Variants in ZFPL1 observed in about 807,000 individuals in gnomAD.
ZFPL1 encodes the protein zinc finger protein-like 1.
ZFPL1 carries 28 observed loss-of-function variants against 32.0 expected under a neutral mutation model. The observed-to-expected ratio is 0.87, with a 90% confidence interval of 0.65 to 1.20. The LOEUF (loss-of-function observed/expected upper bound fraction) is 1.20. ZFPL1 is among the 50% of genes most tolerant of loss of function. The pLI, the probability that ZFPL1 is intolerant of heterozygous loss-of-function variation, is 0.00. For missense variants in ZFPL1, 386 were observed against 424.8 expected (o/e 0.91, Z 0.80); for synonymous variants, 165 against 177.0 (o/e 0.93, Z 0.54).
intron 3 of ZFPL1, chr11:65,085,836 T>C: frequency 5.2e-6 from 1 of 192,734 alleles, no homozygotes; most frequent in South Asian, 8.6e-5. Context: ...GGTGAATGAA[T>C]GGGTAAATGT....
intron 2 of ZFPL1, 157 bp from the exon 3 acceptor site, chr11:65,084,958 A>G (rs763060267): frequency 1.7e-4 from 173 of 1,027,104 alleles, no homozygotes; most frequent in Non-Finnish European, 2.4e-4. Context: ...TTCCCAAGAG[A>G]GAGTCTGGTG....
Position 65,088,013 on chromosome 11 carries a change from GC to G in ZFPL1, c.835del (p.Leu279SerfsTer8). 1.9e-6 allele frequency: 3 copies of G among 1,604,058 alleles called. No individual in the cohort carries two copies. Among genetic ancestry groups the G allele is most frequent in the Non-Finnish European group, 2.5e-6 (3 of 1,177,710 alleles). ...LLLLGLLGFLALLALMSRLGR... is the reference protein window; with the variant it reads ...LLLLGLLGFLXLLALMSRLGR... Reference sequence around the variant, plus strand: ...ACTCTTGGGACTGCTGGGCTTCCTGGCCCTCCTTGCCCTCATGTCTCGCCTA... The same window carrying G: ...ACTCTTGGGACTGCTGGGCTTCCTGGCCTCCTTGCCCTCATGTCTCGCCTA... On this transcript the variant is annotated frameshift_variant, in exon 8 of 8. Transcript: ENST00000294258. LOFTEE classifies it high-confidence loss of function.
At position 65,084,285 on chromosome 11, in the gene ZFPL1, TG is replaced by T; in HGVS notation, c.-98del. The T allele has an allele frequency of 1.9e-6, 1 of 539,894 alleles. No homozygotes were observed. The allele number at this position is 539,894 out of a possible 1,614,324, so 33.4% of individuals were successfully genotyped here. On this transcript the variant is annotated 5_prime_UTR_variant, in exon 1 of 8. Transcript: ENST00000294258. ...GCTGAAGGGAGAGGCGCAGGAGCCC[TG>T]GGGAGAGTGGTCCCTGCCCTTCCGC... is the stretch of plus-strand genomic sequence containing the variant.
intron 5 of ZFPL1, 47 bp downstream of exon 5, chr11:65,086,839 C>G: frequency 1.2e-6 from 2 of 1,614,080 alleles, no homozygotes; most frequent in Non-Finnish European, 1.7e-6. Flanking sequence ...CCTCCCTGCT[C>G]TGCTGACAGC....
chr11:65,087,270 G>T (rs746172845), intron 6 of ZFPL1, 46 bp from the exon 7 acceptor site: 2 of 1,604,056 alleles, frequency 1.2e-6, no homozygotes, highest in South Asian at 2.2e-5. Flanking sequence ...TCCCCAAAGC[G>T]GCCAGTTTTC....
rs1947679878 is a variant in ZFPL1 at position 65,086,426 on chromosome 11, T to C, written c.226T>C (p.Trp76Arg). The change falls in exon 4 of 8, where the codon TGG becomes CGG. Residue 76 changes from tryptophan (W) to arginine (R), a missense_variant. Trp to Arg is a moderately radical substitution (Grantham distance 101). Coordinates refer to ENST00000294258, the MANE Select transcript of ZFPL1 (RefSeq NM_006782.4). ...TCATGGGCCCTAAGATCTCTTTCAC[T>C]GGGCCTGCCTCAATGAACGTGCTGC... ...TRLVCYDLFH[W>R]ACLNERAAQL... The C allele has an allele frequency of 1.9e-6, 3 of 1,613,982 alleles. No homozygotes were observed. Among genetic ancestry groups the C allele is most frequent in the Non-Finnish European group, 2.5e-6 (3 of 1,180,022 alleles).
At position 65,085,207 on chromosome 11, in the gene ZFPL1, G is replaced by A. The variant is rs1403675453; in HGVS notation, c.195G>A (p.Thr65=). 3 of 1,613,996 alleles carry A rather than the reference G, an allele frequency of 1.9e-6. No homozygotes were observed. The highest frequency in any genetic ancestry group is 1.7e-5 in the Admixed American group (1 of 60,004). The part of the protein sequence containing the change: ...LCNIPLASRE[T]TRLVCYDLFH... ...ACATACCCCTGGCCAGCCGAGAGAC[G>A]ACCCGCCTTGTCTGCTATGGTGAGG... The change falls in exon 3 of 8, where the codon ACG becomes ACA. Residue 65 remains threonine, a synonymous_variant. Coordinates refer to ENST00000294258, the MANE Select transcript of ZFPL1 (RefSeq NM_006782.4).
Position 65,086,510 on chromosome 11 carries a change from A to G in ZFPL1, c.310A>G (p.Ile104Val). 6.2e-7 allele frequency: 1 copy of G among 1,613,998 alleles called. No individual in the cohort carries two copies. The highest frequency in any genetic ancestry group is 8.5e-7 in the Non-Finnish European group (1 of 1,180,008). The part of the protein sequence containing the change: ...GYQCPSCNGP[I>V]FPPTNLAGPV... ...TCAGTGCCCCAGCTGCAATGGCCCC[A>G]TCTTCCCCCCAACCAACCTGGCTGG... Residue 104 changes from isoleucine (I) to valine (V), a missense_variant, in exon 4 of 8, where the codon ATC (isoleucine) becomes GTC (valine). Physicochemically the swap from Ile to Val is conservative, Grantham distance 29. Transcript: ENST00000294258.
Position 65,086,708 on chromosome 11 carries a change from T to G in ZFPL1, c.409-12T>G. 6.2e-7 allele frequency: 1 copy of G among 1,614,192 alleles called. No individual in the cohort carries two copies. Among genetic ancestry groups the G allele is most frequent in the Admixed American group, 1.7e-5 (1 of 60,028 alleles). On this transcript the variant is annotated splice_polypyrimidine_tract_variant and intron_variant, in intron 4 of 7. Coordinates refer to ENST00000294258, the MANE Select transcript of ZFPL1 (RefSeq NM_006782.4). The stretch of plus-strand genomic sequence containing the variant: ...TACTAGGCAGCCTGGTGACCCAGAT[T>G]CCTTCCTCCAGATCGATGAGGTGGT...
chr11:65,086,255 A>C, intron 3 of ZFPL1, 160 bp from the exon 4 acceptor site: 3 of 995,386 alleles, frequency 3.0e-6, no homozygotes, highest in Non-Finnish European at 4.5e-6. Context: ...GGTGGTAGCC[A>C]AGAAGACTGA....
In ZFPL1 at chr11:65,087,955, G is replaced by T. The variant is rs372319910; in HGVS notation, c.774G>T (p.Pro258=). 6.4e-7 allele frequency: 1 copy of T among 1,571,990 alleles called. No homozygotes were observed. Residue 258 remains proline (P), a synonymous_variant, in exon 8 of 8, where the codon CCG becomes CCT. Coordinates refer to ENST00000294258, the MANE Select transcript of ZFPL1 (RefSeq NM_006782.4). The part of the protein sequence containing the change: ...LRSRAGSRKR[P]LTLLQRAGLL... ...GCCGGGCTGGGTCTCGGAAGCGGCCGCTGACCCTGCTCCAGCGGGCGGGGC... is the reference window on the plus strand; with the variant it reads ...GCCGGGCTGGGTCTCGGAAGCGGCCTCTGACCCTGCTCCAGCGGGCGGGGC...
In ZFPL1 at chr11:65,085,638, G is replaced by A. The variant is rs538618662; in HGVS notation, c.214+412G>A. ...CCCACATTAAAGTTAGCTAAAAGAA[G>A]TCAGCAGACATATGTGTCATGACTT... On this transcript the variant is annotated intron_variant, in intron 3 of 7. Coordinates refer to ENST00000294258, the MANE Select transcript of ZFPL1 (RefSeq NM_006782.4). 8.0e-4 allele frequency: 210 copies of A among 263,324 alleles called. 5 individuals are homozygous for A. The South Asian group carries it at 8.5e-3, about 11-fold the overall frequency. The allele number at this position is 263,324 out of a possible 1,614,324, so 16.3% of individuals were successfully genotyped here. A position where few individuals can be genotyped will look rare whatever the true frequency, so the allele number is the denominator to read the frequency against.
chr11:65,084,737 C>A lies in ZFPL1; in HGVS notation c.39C>A (p.Asn13Lys). 1 of 1,614,134 alleles carries A rather than the reference C, an allele frequency of 6.2e-7. No individual in the cohort carries two copies. The highest frequency in any genetic ancestry group is 8.5e-7 in the Non-Finnish European group (1 of 1,180,018). Residue 13 changes from asparagine (N) to lysine (K), a missense_variant, in exon 2 of 8, where the codon AAC (asparagine) becomes AAA (lysine). Transcript: ENST00000294258. ...AGTGCCCCAAGAGAAAGGTGACCAA[C>A]CTGTTCTGCTTCGAACATCGGGTCA... is the stretch of plus-strand genomic sequence containing the variant. ...LCKCPKRKVT[N>K]LFCFEHRVNV...
chr11:65,086,029 G>T, intron 3 of ZFPL1: 1 of 283,702 alleles, frequency 3.5e-6, no homozygotes, highest in Non-Finnish European at 6.8e-6. Context: ...ATGTACATTT[G>T]TGCCCAGGGA....
rs775149443 is a variant in ZFPL1 at position 65,086,987 on chromosome 11, A to G, written c.541A>G (p.Ser181Gly). The G allele has an allele frequency of 3.8e-5, 61 of 1,613,814 alleles. No individual in the cohort carries two copies. Among genetic ancestry groups the G allele is most frequent in the Non-Finnish European group, 4.8e-5 (57 of 1,179,984 alleles). ...DSASAAPAFYSQAPRPPASPG... is the reference protein window; with the variant it reads ...DSASAAPAFYGQAPRPPASPG... ...CGCCTCTGCTGCCCCAGCCTTCTACAGCCAGGCCCCCCGGCCCCCAGCTTC... is the reference window on the plus strand; with the variant it reads ...CGCCTCTGCTGCCCCAGCCTTCTACGGCCAGGCCCCCCGGCCCCCAGCTTC... Residue 181 changes from serine (S) to glycine (G), a missense_variant, in exon 6 of 8, where the codon AGC becomes GGC. Physicochemically the swap from Ser to Gly is moderately conservative, Grantham distance 56. Transcript: ENST00000294258.
rs1006446533 is a variant in ZFPL1 at position 65,084,718 on chromosome 11, C to T, written c.20C>T (p.Pro7Leu). 1 of 1,614,046 alleles carries T rather than the reference C, an allele frequency of 6.2e-7. No individual in the cohort carries two copies. Among genetic ancestry groups the T allele is most frequent in the Non-Finnish European group, 8.5e-7 (1 of 1,180,010 alleles). Residue 7 changes from proline (P) to leucine (L), a missense_variant, in exon 2 of 8, where the codon CCC becomes CTC. Coordinates refer to ENST00000294258, the MANE Select transcript of ZFPL1 (RefSeq NM_006782.4). ...TCGATCATGGGGCTTTGTAAGTGCC[C>T]CAAGAGAAAGGTGACCAACCTGTTC... MGLCKC[P>L]KRKVTNLFCF...
rs777792330 is a variant in ZFPL1, at chr11:65,084,757, G to A, written c.59G>A (p.Arg20Gln). ...ACCAACCTGTTCTGCTTCGAACATC[G>A]GGTCAACGTCTGCGAGCACTGCCTG... ...KVTNLFCFEH[R>Q]VNVCEHCLVA... Residue 20 changes from arginine (R) to glutamine (Q), a missense_variant, in exon 2 of 8, where the codon CGG becomes CAG. Arg to Gln is a conservative substitution (Grantham distance 43). Coordinates refer to ENST00000294258, the MANE Select transcript of ZFPL1 (RefSeq NM_006782.4). The A allele has an allele frequency of 6.2e-7, 1 of 1,614,092 alleles. No individual in the cohort carries two copies. Among genetic ancestry groups the A allele is most frequent in the Non-Finnish European group, 8.5e-7 (1 of 1,180,012 alleles).
intron 7 of ZFPL1, 58 bp downstream of exon 7, chr11:65,087,491 A>C: frequency 1.3e-6 from 2 of 1,529,442 alleles, no homozygotes; most frequent in Non-Finnish European, 1.8e-6. Flanking sequence ...AATGGGAGCC[A>C]GAGGTCCTGG....
chr11:65,087,420 G>C lies in ZFPL1; in HGVS notation c.733G>C (p.Ala245Pro), dbSNP rs147705713. ...ACGTCGGCCGGCCTTGGGTTGGCTG[G>C]CCCGGCTGCTAAGGTACACAGGGTC... ...YRRRPALGWL[A>P]RLLRSRAGSR... Residue 245 changes from alanine (A) to proline (P), a missense_variant, in exon 7 of 8, where the codon GCC (alanine) becomes CCC (proline). Ala to Pro is a conservative substitution (Grantham distance 27, BLOSUM62 -1). Coordinates refer to ENST00000294258, the MANE Select transcript of ZFPL1 (RefSeq NM_006782.4). 6 of 1,613,970 alleles carry C rather than the reference G, an allele frequency of 3.7e-6. No homozygotes were observed. In the African/African-American group the frequency reaches 8.0e-5, roughly 22 times the overall value.
Sources: gnomAD v4.1 joint callset for allele counts on GRCh38, gnomAD v4.1.1 for gene constraint, MANE v1.5 for transcripts, NCBI Gene and HGNC (gene_info 2026-07-23, HGNC 2026-07-21) for gene names.